Variants in PLS1 observed in about 807,000 individuals in gnomAD.
PLS1 encodes the protein plastin-1.
In PLS1, 32 loss-of-function variants were observed where a neutral mutation model predicts 73.7. The observed-to-expected ratio is 0.43, with a 90% CI of 0.33 to 0.58. The LOEUF (loss-of-function observed/expected upper bound fraction) is 0.58. Ranked by LOEUF, PLS1 falls within the 20% of genes least tolerant of loss-of-function variation. The pLI is 0.04. For synonymous variants in PLS1, 217 were observed against 261.3 expected (o/e 0.83, Z 1.63); for missense variants, 633 against 740.5 (o/e 0.85, Z 1.68).
In PLS1 at chr3:142,599,734, T is replaced by C. The variant is rs116095391; in HGVS notation, c.-37+3225T>C. 2.3e-3 allele frequency among the ~76,000 whole-genome samples: 348 copies of C among 151,270 alleles called. 2 individuals are homozygous for C. Among genetic ancestry groups the C allele is most frequent in the African/African-American group, 7.8e-3 (321 of 40,950 alleles). ...CATTAACTATTACTTTTTGAGGTTGTTGGCCCCACGATTATTTTTATTTAT... is the reference window on the plus strand; with the variant it reads ...CATTAACTATTACTTTTTGAGGTTGCTGGCCCCACGATTATTTTTATTTAT... On this transcript the variant is annotated intron_variant, in intron 1 of 15. Coordinates refer to ENST00000457734, the MANE Select transcript of PLS1 (RefSeq NM_001145319.2).
Position 142,676,882 on chromosome 3 carries a change from A to G in PLS1, c.497+593A>G, listed in dbSNP as rs1425291972. ...TTTACAAAGTAGAAAATAACCATCA[A>G]AAATATCCTTACCACCCATAAATGA... On this transcript the variant is annotated intron_variant, in intron 5 of 15. Transcript: ENST00000457734. Among the ~76,000 whole-genome samples, 3 of 152,222 alleles carry G rather than the reference A, an allele frequency of 2.0e-5. No individual in the cohort carries two copies. The East Asian group carries it at 5.8e-4, about 29-fold the overall frequency.
Position 142,665,802 on chromosome 3 carries a change from A to ATT in PLS1, c.70+1507_70+1508dup, listed in dbSNP as rs34007040. ...GAATAAACAATTCACTGATGGAACAATTTTTTTTTTTTTAACAAAACCTTG... is the reference window on the plus strand; with the variant it reads ...GAATAAACAATTCACTGATGGAACAATTTTTTTTTTTTTTTAACAAAACCTTG... On this transcript the variant is annotated intron_variant, in intron 2 of 15. Transcript: ENST00000457734. 4.0e-3 allele frequency among the ~76,000 whole-genome samples: 605 copies of ATT among 149,744 alleles called. 10 individuals are homozygous for ATT. The highest frequency in any genetic ancestry group is 0.014 in the African/African-American group (585 of 40,834).
intron 1 of PLS1, among the ~76,000 whole-genome samples, chr3:142,616,432 C>G (rs1290613037): frequency 1.3e-5 from 2 of 152,112 alleles, no homozygotes; most frequent in Non-Finnish European, 2.9e-5. Flanking sequence ...CAATTAATCA[C>G]TTATTTTACT....
At chr3:142,637,479 AT>A (rs2036719516) in intron 1 of PLS1, among the ~76,000 whole-genome samples, 1 of 152,224 alleles carries the variant, frequency 6.6e-6, no homozygotes, top group Non-Finnish European at 1.5e-5. Context: ...ATGTTCTAAT[AT>A]GTCAAAACTT....
At chr3:142,661,692 C>T (rs1355719612) in intron 1 of PLS1, among the ~76,000 whole-genome samples, 1 of 152,188 alleles carries the variant, frequency 6.6e-6, no homozygotes, top group Non-Finnish European at 1.5e-5. Context: ...GGATTTTCCA[C>T]TTAGCTTCAA....
intron 1 of PLS1, among the ~76,000 whole-genome samples, chr3:142,632,613 C>A (rs1349312491): frequency 6.8e-6 from 1 of 146,716 alleles, no homozygotes; most frequent in Non-Finnish European, 1.5e-5. Context: ...TTTTTTTTTC[C>A]CCTGAGACGG....
chr3:142,693,096 CA>C (rs1487221812), intron 10 of PLS1, among the ~76,000 whole-genome samples: 1 of 152,074 alleles, frequency 6.6e-6, no homozygotes, highest in African/African-American at 2.4e-5. Flanking sequence ...GCAGATACAA[CA>C]GACTGATCAG....
chr3:142,684,107 G>A lies in PLS1; in HGVS notation c.681G>A (p.Leu227=), dbSNP rs2037912013. ...DLKEGKPHLV[L]GLLWQIIKVG... is the part of the protein sequence containing the mutation. ...AAGAAGGAAAACCTCACTTGGTCTT[G>A]GGACTTCTCTGGCAGATCATCAAAG... is the stretch of plus-strand genomic sequence containing the variant. The change falls in exon 7 of 16, where the codon TTG becomes TTA. Residue 227 remains leucine, a synonymous_variant. Coordinates refer to ENST00000457734, the MANE Select transcript of PLS1 (RefSeq NM_001145319.2). 2.5e-6 allele frequency: 4 copies of A among 1,613,960 alleles called. No homozygotes were observed. Among genetic ancestry groups the A allele is most frequent in the Middle Eastern group, 1.6e-4 (1 of 6,062 alleles).
intron 1 of PLS1, among the ~76,000 whole-genome samples, chr3:142,640,956 G>C (rs1448473205): frequency 1.3e-5 from 2 of 151,850 alleles, no homozygotes; most frequent in Non-Finnish European, 2.9e-5. Flanking sequence ...ACAGAGACCA[G>C]CCTGGTTAAA....
Position 142,686,312 on chromosome 3 carries a change from A to T in PLS1, c.917A>T (p.Asn306Ile), listed in dbSNP as rs1173683907. Residue 306 changes from asparagine to isoleucine, a missense_variant, in exon 9 of 16, where the codon AAT (asparagine) becomes ATT (isoleucine). Coordinates refer to ENST00000457734, the MANE Select transcript of PLS1 (RefSeq NM_001145319.2). ...TCGAGAGCCTATTTTCATCTGCTTA[A>T]TCAGATTGCCCCTAAAGGTGGGGAA... is the stretch of plus-strand genomic sequence containing the variant. ...KDSRAYFHLL[N>I]QIAPKGGEDG... is the part of the protein sequence containing the mutation. 6.2e-7 allele frequency: 1 copy of T among 1,610,294 alleles called. No homozygotes were observed. The highest frequency in any genetic ancestry group is 8.5e-7 in the Non-Finnish European group (1 of 1,176,704).
chr3:142,646,762 C>T (rs1476175194), intron 1 of PLS1, among the ~76,000 whole-genome samples: 3 of 152,200 alleles, frequency 2.0e-5, no homozygotes, highest in East Asian at 3.9e-4. Flanking sequence ...GAGTCAATGC[C>T]CTGAATCTAG....
At chr3:142,650,210 TC>T (rs1429893943) in intron 1 of PLS1, among the ~76,000 whole-genome samples, 1 of 123,096 alleles carries the variant, frequency 8.1e-6, no homozygotes, top group East Asian at 2.2e-4. Flanking sequence ...GGCTTCTTCT[TC>T]TTTTTTTTTT....
intron 4 of PLS1, among the ~76,000 whole-genome samples, 191 bp downstream of exon 4, chr3:142,671,313 C>T (rs2037600267): frequency 6.6e-6 from 1 of 152,122 alleles, no homozygotes; most frequent in Admixed American, 6.6e-5. Flanking sequence ...TCACAGATGT[C>T]AAAATGAAAA....
chr3:142,601,687 A>T (rs2035930521), intron 1 of PLS1, among the ~76,000 whole-genome samples: 1 of 152,000 alleles, frequency 6.6e-6, no homozygotes, highest in Non-Finnish European at 1.5e-5. Flanking sequence ...CTTATTAAAA[A>T]AAATTTTTTT....
intron 5 of PLS1, among the ~76,000 whole-genome samples, chr3:142,677,241 C>T (rs1354960591): frequency 6.6e-6 from 1 of 152,292 alleles, no homozygotes; most frequent in East Asian, 1.9e-4. Flanking sequence ...GTAATTTTAA[C>T]AGTGTTGATA....
rs1459092057 is a variant in PLS1 at position 142,694,497 on chromosome 3, G to A, written c.1206G>A (p.Arg402=). The change falls in exon 11 of 16, where the codon CGG becomes CGA. Residue 402 remains arginine (R), a synonymous_variant. Coordinates refer to ENST00000457734, the MANE Select transcript of PLS1 (RefSeq NM_001145319.2). ...AGAGCAAGGAAGAGAGAACATTTCG[G>A]AACTGGATGAATTCCTTGGGAGTCA... ...EGESKEERTF[R]NWMNSLGVNP... The A allele has an allele frequency of 6.2e-7, 1 of 1,605,844 alleles. No individual in the cohort carries two copies. Among genetic ancestry groups the A allele is most frequent in the East Asian group, 2.2e-5 (1 of 44,788 alleles).
Position 142,689,703 on chromosome 3 carries a change from T to C in PLS1, c.1067T>C (p.Val356Ala). ...GCKQFVTPAD[V>A]VSGNPKLNLA... ...AAACAGTTTGTTACTCCTGCAGATG[T>C]GGTTTCAGGCAATCCTAAACTTAAT... Residue 356 changes from valine (V) to alanine (A), a missense_variant, in exon 10 of 16, where the codon GTG (valine) becomes GCG (alanine). Physicochemically the swap from Val to Ala is moderately conservative, Grantham distance 64 (BLOSUM62 0). Transcript: ENST00000457734. The C allele has an allele frequency of 6.2e-7, 1 of 1,611,216 alleles. No homozygotes were observed. Among genetic ancestry groups the C allele is most frequent in the Non-Finnish European group, 8.5e-7 (1 of 1,178,474 alleles).
At chr3:142,693,748 T>C (rs560153216) in intron 10 of PLS1, among the ~76,000 whole-genome samples, 2 of 152,286 alleles carry the variant, frequency 1.3e-5, no homozygotes, top group East Asian at 3.9e-4. Flanking sequence ...CAGGGAGGTA[T>C]GGTTAAATAA....
intron 1 of PLS1, among the ~76,000 whole-genome samples, chr3:142,605,788 A>G (rs937836289): frequency 6.6e-6 from 1 of 152,260 alleles, no homozygotes; most frequent in Non-Finnish European, 1.5e-5. Context: ...TTCTTGAAAT[A>G]AGAGTTGATT....
Sources: allele counts gnomAD v4.1 joint callset (sites outside exome capture counted in the v4.1 genomes callset), GRCh38; gene constraint gnomAD v4.1.1; transcripts MANE v1.5; gene names NCBI Gene and HGNC (gene_info 2026-07-23, HGNC 2026-07-21).